The following RSRC1 variants were observed in gnomAD, a reference collection of about 807,000 sequenced individuals.
The protein encoded by RSRC1 is serine/Arginine-related protein 53.
A neutral mutation model predicts 49.1 loss-of-function variants in RSRC1; 39 were observed. That is an observed-to-expected ratio of 0.79 (90% CI 0.61 to 1.04). RSRC1 has a LOEUF of 1.04. RSRC1 is among the 50% of genes least tolerant of loss of function. The probability of loss-of-function intolerance (pLI) is 0.00; values close to 1 mark genes in which losing one functional copy is unlikely to be tolerated. For synonymous variants in RSRC1, 143 were observed against 130.8 expected, an observed-to-expected ratio of 1.09 and a Z score of -0.63; for missense variants, 388 against 402.4, an observed-to-expected ratio of 0.96 and a Z score of 0.31.
intron 5 of RSRC1, among the ~76,000 whole-genome samples, chr3:158,351,401 G>C (rs1366564743): frequency 6.6e-6 from 1 of 152,172 alleles, no homozygotes; most frequent in Non-Finnish European, 1.5e-5. Context: ...GAAGAAAAAG[G>C]CTTGAGCAAT....
intron 3 of RSRC1, among the ~76,000 whole-genome samples, chr3:158,197,128 T>G (rs1202292626): frequency 6.6e-6 from 1 of 152,206 alleles, no homozygotes; most frequent in Non-Finnish European, 1.5e-5. Context: ...ATCCATCTGG[T>G]CCTGGACTGT....
At chr3:158,155,865 C>T (rs1458604600) in intron 3 of RSRC1, among the ~76,000 whole-genome samples, 1 of 152,118 alleles carries the variant, frequency 6.6e-6, no homozygotes, top group Non-Finnish European at 1.5e-5. Context: ...ATTTATAGAG[C>T]ACAGGCAGAG....
At chr3:158,337,491 A>T (rs1226763177) in intron 5 of RSRC1, among the ~76,000 whole-genome samples, 1 of 152,184 alleles carries the variant, frequency 6.6e-6, no homozygotes, top group African/African-American at 2.4e-5. Context: ...CCATCTCTTT[A>T]CATACATAAT....
chr3:158,413,718 CA>C (rs1409828842), intron 6 of RSRC1, among the ~76,000 whole-genome samples: 2 of 151,568 alleles, frequency 1.3e-5, no homozygotes, highest in Non-Finnish European at 2.9e-5. Context: ...TTTATGTGGC[CA>C]AAAAACATGA....
chr3:158,364,358 C>A lies in RSRC1; in HGVS notation c.583+9450C>A, dbSNP rs992049085. 3.3e-5 allele frequency among the ~76,000 whole-genome samples: 5 copies of A among 151,982 alleles called. No individual in the cohort carries two copies. The South Asian group carries it at 1.0e-3, about 32-fold the overall frequency. On this transcript the variant is annotated intron_variant, in intron 6 of 9. Coordinates refer to ENST00000611884, the MANE Select transcript of RSRC1 (RefSeq NM_001271838.2). Reference sequence around the variant, plus strand: ...GAGAGCCTTTCATGTTAGGGCAAACCCCCCAAAAAGAGCAGGAGATTGAAA... The same window carrying A: ...GAGAGCCTTTCATGTTAGGGCAAACACCCCAAAAAGAGCAGGAGATTGAAA...
chr3:158,141,439 T>C (rs1398323061), intron 3 of RSRC1, among the ~76,000 whole-genome samples: 1 of 152,216 alleles, frequency 6.6e-6, no homozygotes, highest in African/African-American at 2.4e-5. Context: ...TAAAACTCCA[T>C]GGACCTCCTG....
intron 6 of RSRC1, among the ~76,000 whole-genome samples, chr3:158,361,019 CT>C (rs1049869709): frequency 1.8e-4 from 28 of 152,224 alleles, no homozygotes; most frequent in African/African-American, 6.8e-4. Flanking sequence ...CAAGCTCCCC[CT>C]GTGGCCCTGG....
chr3:158,152,994 A>G (rs1191654762), intron 3 of RSRC1, among the ~76,000 whole-genome samples: 1 of 152,208 alleles, frequency 6.6e-6, no homozygotes, highest in East Asian at 1.9e-4. Flanking sequence ...TGGGCACTAT[A>G]TGTATCTAGG....
intron 5 of RSRC1, among the ~76,000 whole-genome samples, chr3:158,312,370 T>C (rs1214217269): frequency 1.3e-5 from 2 of 152,114 alleles, no homozygotes; most frequent in Admixed American, 1.3e-4. Context: ...CTTCAACAAA[T>C]ATTTGTTGAG....
chr3:158,504,962 T>G (rs551992017), intron 7 of RSRC1, among the ~76,000 whole-genome samples: 1 of 152,242 alleles, frequency 6.6e-6, no homozygotes, highest in South Asian at 2.1e-4. Flanking sequence ...TTGGACTGTT[T>G]AGGCTTTTGA....
Position 158,308,683 on chromosome 3 carries a change from T to G in RSRC1, c.531+10608T>G, listed in dbSNP as rs531539267. Among the ~76,000 whole-genome samples, 3 of 152,080 alleles carry G rather than the reference T, an allele frequency of 2.0e-5. No individual in the cohort carries two copies. The East Asian group carries it at 5.8e-4, about 29-fold the overall frequency. On this transcript the variant is annotated intron_variant, in intron 5 of 9. Coordinates refer to ENST00000611884, the MANE Select transcript of RSRC1 (RefSeq NM_001271838.2). ...ATATCAAAATCTGAAAACTGCTCAG[T>G]TACTGTATGCGCTTAATCTTAATGG... is the stretch of plus-strand genomic sequence containing the variant.
At chr3:158,318,017 T>TG (rs1728558001) in intron 5 of RSRC1, among the ~76,000 whole-genome samples, 2 of 132,944 alleles carry the variant, frequency 1.5e-5, no homozygotes, top group East Asian at 2.0e-4. Context: ...TTATGAAGTT[T>TG]TGTGTGTGCG....
At chr3:158,419,864 G>A (rs1734945881) in intron 6 of RSRC1, among the ~76,000 whole-genome samples, 1 of 149,552 alleles carries the variant, frequency 6.7e-6, no homozygotes, top group African/African-American at 2.5e-5. Context: ...TCAAAGTACA[G>A]CACTTGATAT....
chr3:158,302,581 GCTGCTCTA>G lies in RSRC1; in HGVS notation c.531+4507_531+4514del, dbSNP rs1727619464. 3 of 129,548 alleles carry G rather than the reference GCTGCTCTA, an allele frequency of 2.3e-5. No individual in the cohort carries two copies. The Admixed American group carries it at 2.5e-4, about 11-fold the overall frequency. The allele number at this position is 129,548 out of a possible 1,614,324, so 8.0% of individuals were successfully genotyped here. A position where few individuals can be genotyped will look rare whatever the true frequency, so the allele number is the denominator to read the frequency against. ...TGACTTTTTTTTTTTTTTTTTTAAT[GCTGCTCTA>G]AAGTTGTAGAAAGTTGACTCTAAGT... is the stretch of plus-strand genomic sequence containing the variant. On this transcript the variant is annotated intron_variant, in intron 5 of 9. Transcript: ENST00000611884.
intron 6 of RSRC1, among the ~76,000 whole-genome samples, chr3:158,417,435 G>A (rs868326979): frequency 6.6e-6 from 1 of 151,876 alleles, no homozygotes; most frequent in Non-Finnish European, 1.5e-5. Flanking sequence ...GAAATCAGAA[G>A]TTTCCTACCT....
intron 4 of RSRC1, among the ~76,000 whole-genome samples, chr3:158,248,994 G>C (rs1249514592): frequency 6.6e-6 from 1 of 152,118 alleles, no homozygotes; most frequent in African/African-American, 2.4e-5. Context: ...TGATGGATTT[G>C]TAGATGTATT....
At chr3:158,467,590 T>C (rs1022374050) in intron 7 of RSRC1, among the ~76,000 whole-genome samples, 4 of 152,198 alleles carry the variant, frequency 2.6e-5, no homozygotes, top group Non-Finnish European at 5.9e-5. Context: ...AAATGAAAGA[T>C]ATGGTTCTCT....
chr3:158,406,691 A>C (rs1300946265), intron 6 of RSRC1, among the ~76,000 whole-genome samples: 1 of 152,152 alleles, frequency 6.6e-6, no homozygotes, highest in Non-Finnish European at 1.5e-5. Context: ...GAGAGCTTCA[A>C]AAAGATAGTA....
intron 6 of RSRC1, among the ~76,000 whole-genome samples, chr3:158,459,745 A>G (rs1737521198): frequency 6.6e-6 from 1 of 151,992 alleles, no homozygotes; most frequent in African/African-American, 2.4e-5. Context: ...ATATTTCATG[A>G]CTTTAAATGC....
Sources: allele counts gnomAD v4.1 joint callset (sites outside exome capture counted in the v4.1 genomes callset), GRCh38; gene constraint gnomAD v4.1.1; transcripts MANE v1.5; gene names NCBI Gene and HGNC (gene_info 2026-07-23, HGNC 2026-07-21).